SLC38A9: variants seen among roughly 807,000 people sequenced by gnomAD.
SLC38A9 encodes the protein neutral amino acid transporter 9.
SLC38A9 carries 48 observed loss-of-function variants against 62.3 expected under a neutral mutation model. The observed-to-expected ratio is 0.77, with a 90% CI of 0.61 to 0.98. The LOEUF (loss-of-function observed/expected upper bound fraction) is 0.98. Ranked by LOEUF, SLC38A9 falls within the 50% of genes least tolerant of loss-of-function variation. The probability of loss-of-function intolerance (pLI) is 0.00; values close to 1 mark genes in which losing one functional copy is unlikely to be tolerated. For missense variants in SLC38A9, 541 were observed against 679.8 expected (o/e 0.80, Z 2.27); for synonymous variants, 204 against 227.7 (o/e 0.90, Z 0.94).
At chr5:55,661,722 A>G (rs1749613281) in intron 8 of SLC38A9, among the ~76,000 whole-genome samples, 1 of 152,302 alleles carries the variant, frequency 6.6e-6, no homozygotes, top group Non-Finnish European at 1.5e-5. Flanking sequence ...AAACTTTTGA[A>G]TAACACAGAG....
chr5:55,665,392 C>CA (rs1196848405), intron 7 of SLC38A9, among the ~76,000 whole-genome samples: 1 of 151,124 alleles, frequency 6.6e-6, no homozygotes, highest in African/African-American at 2.4e-5. Context: ...TCAAAAAATA[C>CA]AAAAAAATTA....
intron 15 of SLC38A9, 128 bp downstream of exon 15, chr5:55,627,763 T>C: frequency 5.3e-6 from 3 of 569,796 alleles, no homozygotes; most frequent in Non-Finnish European, 9.4e-6. Flanking sequence ...GGGCTGCATT[T>C]GAATATTACT....
Position 55,670,145 on chromosome 5 carries a change from T to C in SLC38A9, c.247-266A>G, listed in dbSNP as rs184888490. Among the ~76,000 whole-genome samples the C allele has an allele frequency of 3.3e-3, 506 of 152,034 alleles. 3 individuals are homozygous for C. The highest frequency in any genetic ancestry group is 0.01 in the African/African-American group (425 of 41,480). Reference sequence around the variant, plus strand: ...ACGCCTGGCTAATTTTTTGTATTTTTTTGTAGAGACGGGGTTTCACCATGT... The same window carrying C: ...ACGCCTGGCTAATTTTTTGTATTTTCTTGTAGAGACGGGGTTTCACCATGT... On this transcript the variant is annotated intron_variant, in intron 4 of 15. Transcript: ENST00000396865.
At chr5:55,646,645 T>C (rs763329554) in intron 11 of SLC38A9, among the ~76,000 whole-genome samples, 2 of 152,196 alleles carry the variant, frequency 1.3e-5, no homozygotes, top group Non-Finnish European at 2.9e-5. Flanking sequence ...TTCATTAAAT[T>C]GAGATACAGT....
chr5:55,687,375 G>T (rs1484574796), intron 3 of SLC38A9, among the ~76,000 whole-genome samples: 3 of 144,764 alleles, frequency 2.1e-5, no homozygotes, highest in African/African-American at 7.7e-5. Flanking sequence ...TGCAGTGAGC[G>T]GAGATCGCGC....
Position 55,639,953 on chromosome 5 carries a change from T to TA in SLC38A9, c.1168-4297dup, listed in dbSNP as rs999214983. Among the ~76,000 whole-genome samples, 1,206 of 128,220 alleles carry TA rather than the reference T, an allele frequency of 9.4e-3. 12 individuals carry two copies. Among genetic ancestry groups the TA allele is most frequent in the Non-Finnish European group, 0.014 (835 of 60,034 alleles). 84.1% of individuals were successfully genotyped at this position (128,220 alleles called of 152,430 possible). On this transcript the variant is annotated intron_variant, in intron 12 of 15. Coordinates refer to ENST00000396865, the MANE Select transcript of SLC38A9 (RefSeq NM_173514.4). ...CATAACCCAATTTCAATTAAGACAG[T>TA]AAAAAAAAAAAAATCCATTTAAACC...
At chr5:55,631,207 T>G (rs2150029866) in intron 14 of SLC38A9, among the ~76,000 whole-genome samples, 1 of 152,298 alleles carries the variant, frequency 6.6e-6, no homozygotes, top group South Asian at 2.1e-4. Flanking sequence ...CTGCATAAAC[T>G]AAAGCTCCTG....
chr5:55,680,955 C>A (rs895807699), intron 3 of SLC38A9, among the ~76,000 whole-genome samples: 11 of 152,208 alleles, frequency 7.2e-5, no homozygotes, highest in African/African-American at 2.7e-4. Flanking sequence ...CCTGCCCTGC[C>A]AACTGGCTCC....
At chr5:55,633,555 G>T (rs1233049195) in intron 14 of SLC38A9, 199 bp downstream of exon 14, 1 of 589,686 alleles carries the variant, frequency 1.7e-6, no homozygotes, top group Non-Finnish European at 2.9e-6. Context: ...TGGAAGGAAT[G>T]AACTTTAAAT....
Position 55,697,931 on chromosome 5 carries a change from G to T in SLC38A9, c.28C>A (p.His10Asn). 2 of 1,600,896 alleles carry T rather than the reference G, an allele frequency of 1.2e-6. No homozygotes were observed. The highest frequency in any genetic ancestry group is 1.7e-6 in the Non-Finnish European group (2 of 1,174,464). The change falls in exon 3 of 16, where the codon CAT becomes AAT. Residue 10 changes from histidine to asparagine, a missense_variant. Transcript: ENST00000396865. The part of the protein sequence containing the change: MANMNSDSR[H>N]LGTSEVDHER... ...TGATCTACCTCAGAGGTGCCAAGATGCCTAGAATCACTATTCATATTTGCC... is the reference window on the plus strand; with the variant it reads ...TGATCTACCTCAGAGGTGCCAAGATTCCTAGAATCACTATTCATATTTGCC...
At chr5:55,642,018 T>C (rs1745513782) in intron 12 of SLC38A9, among the ~76,000 whole-genome samples, 1 of 152,198 alleles carries the variant, frequency 6.6e-6, no homozygotes. Flanking sequence ...ATCTAACTCA[T>C]TTTGAGCCCT....
At chr5:55,707,386 A>G (rs1327676860) in intron 2 of SLC38A9, among the ~76,000 whole-genome samples, 1 of 152,180 alleles carries the variant, frequency 6.6e-6, no homozygotes, top group Non-Finnish European at 1.5e-5. Flanking sequence ...ATAATTTGGT[A>G]GGGGCTAAAT....
At chr5:55,708,732 T>C (rs1757618162) in intron 2 of SLC38A9, among the ~76,000 whole-genome samples, 1 of 152,252 alleles carries the variant, frequency 6.6e-6, no homozygotes. Flanking sequence ...GAGGTTGACA[T>C]ATTTTTTTCT....
intron 14 of SLC38A9, among the ~76,000 whole-genome samples, chr5:55,628,882 T>A (rs994263934): frequency 1.3e-5 from 2 of 152,184 alleles, no homozygotes; most frequent in Admixed American, 6.5e-5. Flanking sequence ...CTGAAAATGA[T>A]TCTCAAAAGC....
intron 14 of SLC38A9, among the ~76,000 whole-genome samples, chr5:55,632,493 T>C (rs546413444): frequency 5.3e-5 from 8 of 152,142 alleles, no homozygotes; most frequent in Middle Eastern, 3.4e-3. Flanking sequence ...TTAATGAATA[T>C]AAAAGTAAGG....
chr5:55,672,803 G>A (rs1751528013), intron 3 of SLC38A9, 108 bp from the exon 4 acceptor site: 4 of 1,091,628 alleles, frequency 3.7e-6, no homozygotes, highest in Non-Finnish European at 5.2e-6. Flanking sequence ...GATGCACAAA[G>A]GCAAGGCATT....
intron 7 of SLC38A9, among the ~76,000 whole-genome samples, chr5:55,666,481 A>G (rs2150317495): frequency 6.6e-6 from 1 of 152,356 alleles, no homozygotes; most frequent in African/African-American, 2.4e-5. Flanking sequence ...CCACCTTTGA[A>G]GCAAAATATG....
rs758360471 is a variant in SLC38A9, at chr5:55,672,668, G to A, written c.141C>T (p.Ile47=). 1.2e-5 allele frequency: 20 copies of A among 1,614,040 alleles called. 1 individual carries two copies. The highest frequency in any genetic ancestry group is 7.7e-5 in the South Asian group (7 of 91,082). The stretch of plus-strand genomic sequence containing the variant: ...TCTGAATGACATGATTCACATTCAC[G>A]ATGTTTGTGGGCTCTATACAGAAAG... The part of the protein sequence containing the change: ...KRPFCIEPTN[I]VNVNHVIQRV... The change falls in exon 4 of 16, where the codon ATC becomes ATT. Residue 47 remains isoleucine (I), a synonymous_variant. Coordinates refer to ENST00000396865, the MANE Select transcript of SLC38A9 (RefSeq NM_173514.4).
chr5:55,690,690 G>A (rs1397960735), intron 3 of SLC38A9, among the ~76,000 whole-genome samples: 3 of 152,042 alleles, frequency 2.0e-5, no homozygotes, highest in African/African-American at 7.2e-5. Context: ...CTGTCACTGG[G>A]CCAGGATCTA....
Sources: gnomAD v4.1 joint callset for allele counts (sites outside exome capture counted in the v4.1 genomes callset) on GRCh38, gnomAD v4.1.1 for gene constraint, MANE v1.5 for transcripts, NCBI Gene and HGNC (gene_info 2026-07-23, HGNC 2026-07-21) for gene names.